The following LAMC3 variants were observed in gnomAD, a reference collection of about 807,000 sequenced individuals.
LAMC3 encodes laminin subunit gamma-3.
LAMC3 carries 128 observed loss-of-function variants against 173.8 expected under a neutral mutation model. That is an observed-to-expected ratio of 0.74 (90% CI 0.64 to 0.85). LAMC3 has a LOEUF of 0.85. Ranked by LOEUF, LAMC3 falls within the 40% of genes least tolerant of loss-of-function variation. The pLI is 0.00. For synonymous variants in LAMC3, 897 were observed against 909.1 expected (o/e 0.99, Z 0.24); for missense variants, 2,022 against 2,156.0 (o/e 0.94, Z 1.23).
intron 1 of LAMC3, among the ~76,000 whole-genome samples, chr9:131,016,972 G>A (rs1296093488): frequency 6.6e-6 from 1 of 152,082 alleles, no homozygotes; most frequent in Non-Finnish European, 1.5e-5. Context: ...GCTATGTTCT[G>A]TTTTAAGATG....
chr9:131,024,528 C>T (rs1833685298), intron 1 of LAMC3, among the ~76,000 whole-genome samples: 1 of 152,072 alleles, frequency 6.6e-6, no homozygotes, highest in Non-Finnish European at 1.5e-5. Flanking sequence ...ATGGTGGTGG[C>T]AGTGGGCAGT....
intron 24 of LAMC3, among the ~76,000 whole-genome samples, chr9:131,083,935 C>T (rs1830284822): frequency 8.2e-6 from 1 of 121,228 alleles, no homozygotes; most frequent in Non-Finnish European, 1.6e-5. Flanking sequence ...AGTACAGTGG[C>T]ATGATCTCGG....
At chr9:131,041,398 G>A (rs1834054092) in intron 6 of LAMC3, among the ~76,000 whole-genome samples, 1 of 150,380 alleles carries the variant, frequency 6.6e-6, no homozygotes, top group Non-Finnish European at 1.5e-5. Context: ...ATGAGTGAGT[G>A]CGTGGATGAC....
At chr9:131,055,882 A>C (rs905586603) in intron 11 of LAMC3, among the ~76,000 whole-genome samples, 1 of 152,102 alleles carries the variant, frequency 6.6e-6, no homozygotes, top group African/African-American at 2.4e-5. Context: ...TACATTCATT[A>C]GTCTCAAAAT....
At chr9:131,077,397 CT>C in intron 22 of LAMC3, 63 bp downstream of exon 22, 1 of 1,596,116 alleles carries the variant, frequency 6.3e-7, no homozygotes. Flanking sequence ...AAGCTGGAGG[CT>C]GGGCACGGTG....
intron 3 of LAMC3, among the ~76,000 whole-genome samples, chr9:131,034,801 C>T (rs1359568894): frequency 1.3e-5 from 2 of 152,200 alleles, no homozygotes; most frequent in African/African-American, 2.4e-5. Context: ...GAGCATGCCG[C>T]GGGCTCCCAG....
intron 3 of LAMC3, among the ~76,000 whole-genome samples, chr9:131,032,612 C>CACTCGCTT (rs1433975841): frequency 1.4e-4 from 20 of 146,154 alleles, no homozygotes; most frequent in Non-Finnish European, 3.0e-5. Context: ...TTCTCTCTCT[C>CACTCGCTT]TCTCTCTCTC....
chr9:131,088,404 G>C (rs938946954), intron 27 of LAMC3, among the ~76,000 whole-genome samples: 2 of 152,076 alleles, frequency 1.3e-5, no homozygotes, highest in African/African-American at 4.8e-5. Flanking sequence ...ATAGCGGCTC[G>C]TAGGAAGGAG....
intron 2 of LAMC3, among the ~76,000 whole-genome samples, chr9:131,027,994 A>C (rs1404222081): frequency 6.6e-6 from 1 of 152,104 alleles, no homozygotes; most frequent in Admixed American, 6.5e-5. Context: ...TCCAGTCCAC[A>C]GGTCCCCAAC....
At chr9:131,044,207 C>G (rs554950488) in intron 7 of LAMC3, among the ~76,000 whole-genome samples, 1 of 151,606 alleles carries the variant, frequency 6.6e-6, no homozygotes, top group African/African-American at 2.4e-5. Context: ...CCACCCACCT[C>G]GGCCTCCCAA....
chr9:131,041,701 T>G lies in LAMC3; in HGVS notation c.1348T>G (p.Cys450Gly). Reference sequence around the variant, plus strand: ...TGACCCCCGCAGTGGGCGCTGCCCCTGCAAAGAGAATGTGGAAGGCAACCT... The same window carrying G: ...TGACCCCCGCAGTGGGCGCTGCCCCGGCAAAGAGAATGTGGAAGGCAACCT... ...TCDPRSGRCPCKENVEGNLCD... is the reference protein window; with the variant it reads ...TCDPRSGRCPGKENVEGNLCD... Residue 450 changes from cysteine (C) to glycine (G), a missense_variant, in exon 7 of 28, where the codon TGC (cysteine) becomes GGC (glycine). Coordinates refer to ENST00000361069, the MANE Select transcript of LAMC3 (RefSeq NM_006059.4). 2 of 1,614,034 alleles carry G rather than the reference T, an allele frequency of 1.2e-6. No homozygotes were observed. Among genetic ancestry groups the G allele is most frequent in the Non-Finnish European group, 1.7e-6 (2 of 1,180,038 alleles).
chr9:131,062,654 C>T (rs987082293), intron 13 of LAMC3, among the ~76,000 whole-genome samples: 2 of 151,960 alleles, frequency 1.3e-5, no homozygotes, highest in Non-Finnish European at 2.9e-5. Context: ...GGATCACCTG[C>T]GGTCCGGAGT....
At position 131,049,111 on chromosome 9, in the gene LAMC3, G is replaced by A; in HGVS notation, c.1611G>A (p.Glu537=). 6.4e-7 allele frequency: 1 copy of A among 1,551,018 alleles called. No homozygotes were observed. Among genetic ancestry groups the A allele is most frequent in the Non-Finnish European group, 8.7e-7 (1 of 1,146,184 alleles). ...PNGVLLSPED[E]EELTAPEKFL... ...GGGTCCTCCTGAGCCCAGAAGACGA[G>A]GAGGAGCTCACAGCACCAGGTACCT... Residue 537 remains glutamate (E), a synonymous_variant, in exon 9 of 28, where the codon GAG becomes GAA. Transcript: ENST00000361069.
At chr9:131,085,818 GCACT>G (rs1564156960) in intron 25 of LAMC3, 95 bp downstream of exon 25, 6 of 1,182,104 alleles carry the variant, frequency 5.1e-6, no homozygotes, top group Non-Finnish European at 7.5e-6. Flanking sequence ...TGACTACTCC[GCACT>G]CACTCACTGC....
chr9:131,040,262 C>T (rs1285503464), intron 6 of LAMC3, among the ~76,000 whole-genome samples: 1 of 152,006 alleles, frequency 6.6e-6, no homozygotes, highest in Admixed American at 6.6e-5. Context: ...ACTACAACCT[C>T]CGCCTCCCAG....
At position 131,036,101 on chromosome 9, in the gene LAMC3, G is replaced by A. The variant is rs13283119; in HGVS notation, c.810-65G>A. On this transcript the variant is annotated intron_variant, in intron 3 of 27. Transcript: ENST00000361069. ...CACCTGCAAACAGGGGCTACCTGGT[G>A]ACTAACTCCTTGTCTGCCCTGCCGG... 49,828 of 1,563,368 alleles carry A rather than the reference G, an allele frequency of 0.032. 976 individuals carry two copies. The highest frequency in any genetic ancestry group is 0.039 in the Non-Finnish European group (44,645 of 1,136,274).
In LAMC3 at chr9:131,052,556, C is replaced by G. The variant is rs138637827; in HGVS notation, c.1696C>G (p.Pro566Ala). ...QPLILTFRVPPGDSPLPVQLR... is the reference protein window; with the variant it reads ...QPLILTFRVPAGDSPLPVQLR... ...CCTCATACTGACCTTCCGGGTGCCCCCCGGGGACTCCCCACTCCCTGTACA... is the reference window on the plus strand; with the variant it reads ...CCTCATACTGACCTTCCGGGTGCCCGCCGGGGACTCCCCACTCCCTGTACA... The change falls in exon 10 of 28, where the codon CCC (proline) becomes GCC (alanine). Residue 566 changes from proline to alanine, a missense_variant. Transcript: ENST00000361069. 22 of 1,614,168 alleles carry G rather than the reference C, an allele frequency of 1.4e-5. No individual in the cohort carries two copies. The East Asian group carries it at 4.9e-4, about 36-fold the overall frequency.
chr9:131,089,910 C>T (rs1021935496), intron 27 of LAMC3, among the ~76,000 whole-genome samples: 5 of 151,740 alleles, frequency 3.3e-5, no homozygotes, highest in African/African-American at 4.9e-5. Context: ...ATTCTTTTGC[C>T]GTTTTGCAGA....
chr9:131,042,324 C>T (rs1371653123), intron 7 of LAMC3, among the ~76,000 whole-genome samples: 1 of 151,874 alleles, frequency 6.6e-6, no homozygotes, highest in East Asian at 1.9e-4. Context: ...ATAGACATTA[C>T]TCATGCAGCA....
Sources: gnomAD v4.1 joint callset for allele counts (sites outside exome capture counted in the v4.1 genomes callset) on GRCh38, gnomAD v4.1.1 for gene constraint, MANE v1.5 for transcripts, NCBI Gene and HGNC (gene_info 2026-07-23, HGNC 2026-07-21) for gene names.